PNLIPRP3: variants seen among roughly 807,000 people sequenced by gnomAD.
PNLIPRP3 encodes pancreatic lipase-related protein 3.
A neutral mutation model predicts 52.8 loss-of-function variants in PNLIPRP3; 58 were observed. That is an observed-to-expected ratio of 1.10 (90% CI 0.89 to 1.37). PNLIPRP3 has a LOEUF of 1.37. Ranked by LOEUF, PNLIPRP3 falls within the 40% of genes most tolerant of loss-of-function variation. The pLI, the probability that PNLIPRP3 is intolerant of heterozygous loss-of-function variation, is 0.00. For missense variants in PNLIPRP3, 593 were observed against 561.6 expected (o/e 1.06, Z -0.57); for synonymous variants, 192 against 185.0 (o/e 1.04, Z -0.31).
intron 4 of PNLIPRP3, among the ~76,000 whole-genome samples, chr10:116,447,958 C>A (rs1243571722): frequency 2.9e-4 from 31 of 108,436 alleles, no homozygotes; most frequent in African/African-American, 5.4e-4. Flanking sequence ...GAGACTCCAT[C>A]AAAAAAAAAA....
At chr10:116,444,102 C>T (rs1200951770) in intron 3 of PNLIPRP3, among the ~76,000 whole-genome samples, 3 of 151,866 alleles carry the variant, frequency 2.0e-5, no homozygotes, top group Non-Finnish European at 4.4e-5. Flanking sequence ...GGGGAAGAAT[C>T]CCTTATAAAA....
chr10:116,447,772 C>T (rs1845973571), intron 4 of PNLIPRP3, among the ~76,000 whole-genome samples: 1 of 151,984 alleles, frequency 6.6e-6, no homozygotes, highest in Admixed American at 6.5e-5. Context: ...CCCATCTCTA[C>T]TAAAAATACA....
intron 4 of PNLIPRP3, among the ~76,000 whole-genome samples, chr10:116,448,030 GA>G (rs1019090005): frequency 4.1e-4 from 2 of 4,824 alleles, no homozygotes; most frequent in Admixed American, 3.7e-3. Context: ...AGGAAGGAAA[GA>G]AAGAAAGAAA....
intron 4 of PNLIPRP3, among the ~76,000 whole-genome samples, chr10:116,448,321 A>G (rs1034037163): frequency 6.6e-6 from 1 of 152,228 alleles, no homozygotes; most frequent in Non-Finnish European, 1.5e-5. Flanking sequence ...GGCGTATATG[A>G]TTGAAATTAA....
intron 2 of PNLIPRP3, among the ~76,000 whole-genome samples, chr10:116,441,572 A>C (rs2133118075): frequency 6.6e-6 from 1 of 152,264 alleles, no homozygotes; most frequent in African/African-American, 2.4e-5. Flanking sequence ...TTTAGCAGAA[A>C]AATGCTTCCT....
intron 1 of PNLIPRP3, among the ~76,000 whole-genome samples, chr10:116,432,102 TA>T (rs59990020): frequency 0.075 from 11,464 of 152,248 alleles, 622 homozygotes; most frequent in East Asian, 0.17. Flanking sequence ...CTACATCCCC[TA>T]ACTAGATTAT....
rs190377731 is a variant in PNLIPRP3 at position 116,432,511 on chromosome 10, T to A, written c.50-4200T>A. 1.5e-4 allele frequency among the ~76,000 whole-genome samples: 23 copies of A among 152,256 alleles called. No individual in the cohort carries two copies. The East Asian group carries it at 4.4e-3, about 29-fold the overall frequency. ...AATAAGTAAAGGTGAAGAAAGCATT[T>A]AAGTAATAAAAATAAAAATATAAGT... On this transcript the variant is annotated intron_variant, in intron 1 of 11. Transcript: ENST00000369230.
chr10:116,471,930 C>A, intron 10 of PNLIPRP3, 51 bp downstream of exon 10: 2 of 1,143,064 alleles, frequency 1.7e-6, no homozygotes, highest in Non-Finnish European at 2.6e-6. Context: ...GGCTCAGTAA[C>A]ACTAAGTGAG....
At chr10:116,464,904 C>A (rs1289371452) in intron 7 of PNLIPRP3, among the ~76,000 whole-genome samples, 1 of 152,234 alleles carries the variant, frequency 6.6e-6, no homozygotes, top group Non-Finnish European at 1.5e-5. Context: ...AGCCCCACTG[C>A]AGCTTCCTGA....
At position 116,477,399 on chromosome 10, in the gene PNLIPRP3, G is replaced by C. The variant is rs1846491341; in HGVS notation, c.*246G>C. 3.3e-6 allele frequency: 1 copy of C among 304,252 alleles called. No individual in the cohort carries two copies. Among genetic ancestry groups the C allele is most frequent in the African/African-American group, 2.2e-5 (1 of 45,782 alleles). The allele number at this position is 304,252 out of a possible 1,614,324, so 18.8% of individuals were successfully genotyped here. On this transcript the variant is annotated 3_prime_UTR_variant, in exon 12 of 12. Coordinates refer to ENST00000369230, the MANE Select transcript of PNLIPRP3 (RefSeq NM_001011709.3). ...GATCTGTAGGAATCTGGATATCATT[G>C]ACAAAATAGAGCTGTTTTGGAATTT...
chr10:116,461,565 G>A (rs1165292255), intron 7 of PNLIPRP3, among the ~76,000 whole-genome samples: 4 of 152,272 alleles, frequency 2.6e-5, no homozygotes, highest in South Asian at 2.1e-4. Flanking sequence ...CAGCAAATAT[G>A]TATTGAGTGT....
At chr10:116,441,426 T>C (rs1358340417) in intron 2 of PNLIPRP3, among the ~76,000 whole-genome samples, 1 of 151,886 alleles carries the variant, frequency 6.6e-6, no homozygotes. Flanking sequence ...CTCCAAAAGG[T>C]TTTTCAGATG....
chr10:116,459,719 C>A (rs185835133), intron 5 of PNLIPRP3, among the ~76,000 whole-genome samples: 28 of 152,302 alleles, frequency 1.8e-4, no homozygotes, highest in African/African-American at 6.0e-4. Context: ...GCCACCTTAC[C>A]TTTGCCCTGG....
chr10:116,450,231 A>G (rs1219279362), intron 4 of PNLIPRP3, among the ~76,000 whole-genome samples: 1 of 152,228 alleles, frequency 6.6e-6, no homozygotes, highest in African/African-American at 2.4e-5. Context: ...ACAGCTTTGA[A>G]TGTGGCCCCA....
chr10:116,477,087 C>A lies in PNLIPRP3; in HGVS notation c.1341-3C>A. ...CCTTTTTTTTTTCCTTAAAAACTTT[C>A]AGATCTACCTTCTGTAGCCAAGACA... On this transcript the variant is annotated splice_polypyrimidine_tract_variant and splice_region_variant and intron_variant, in intron 11 of 11. Coordinates refer to ENST00000369230, the MANE Select transcript of PNLIPRP3 (RefSeq NM_001011709.3). The A allele has an allele frequency of 6.3e-7, 1 of 1,576,522 alleles. No individual in the cohort carries two copies. The highest frequency in any genetic ancestry group is 8.6e-7 in the Non-Finnish European group (1 of 1,159,098).
intron 4 of PNLIPRP3, among the ~76,000 whole-genome samples, chr10:116,451,143 C>T (rs1846030647): frequency 6.6e-6 from 1 of 152,100 alleles, no homozygotes; most frequent in African/African-American, 2.4e-5. Context: ...ACTGATCTTC[C>T]ACAAGGGTGC....
intron 2 of PNLIPRP3, chr10:116,440,142 G>A: frequency 1.6e-6 from 1 of 608,538 alleles, no homozygotes; most frequent in East Asian, 2.7e-5. Flanking sequence ...TGCCTTTTAG[G>A]ATGTTCAGGG....
At chr10:116,455,027 T>C (rs992397790) in intron 4 of PNLIPRP3, among the ~76,000 whole-genome samples, 1 of 152,214 alleles carries the variant, frequency 6.6e-6, no homozygotes, top group African/African-American at 2.4e-5. Context: ...TTCCCTTTTC[T>C]CCAAATCTTT....
In PNLIPRP3 at chr10:116,461,155, T is replaced by C; in HGVS notation, c.686-13T>C. The C allele has an allele frequency of 6.2e-7, 1 of 1,614,208 alleles. No homozygotes were observed. The highest frequency in any genetic ancestry group is 8.5e-7 in the Non-Finnish European group (1 of 1,180,040). ...ATTTTTAGAGGCATTTACCCTGTTT[T>C]TATTTATTTCAGGTGTTGGAACCAT... On this transcript the variant is annotated splice_polypyrimidine_tract_variant and intron_variant, in intron 6 of 11. Transcript: ENST00000369230.
Sources: allele counts gnomAD v4.1 joint callset (sites outside exome capture counted in the v4.1 genomes callset), GRCh38; gene constraint gnomAD v4.1.1; transcripts MANE v1.5; gene names NCBI Gene and HGNC (gene_info 2026-07-23, HGNC 2026-07-21).